Variants in ABTB3 observed in about 807,000 individuals in gnomAD.
ABTB3 encodes the protein ankyrin repeat- and BTB/POZ domain-containing protein 3.
At chr12:107,464,080 G>C in the ABTB3 span, among the ~76,000 whole-genome samples, 7 of 152,302 alleles carry the variant, frequency 4.6e-5, no homozygotes, top group South Asian at 1.5e-3. Context: ...GATGCAACCT[G>C]GCACTTTTCT....
the ABTB3 span, among the ~76,000 whole-genome samples, chr12:107,515,202 C>T: frequency 6.6e-6 from 1 of 152,018 alleles, no homozygotes; most frequent in African/African-American, 2.4e-5. Context: ...GTCCCATTTG[C>T]TCAGGCCTCC....
chr12:107,426,846 T>G, the ABTB3 span, among the ~76,000 whole-genome samples: 1 of 152,046 alleles, frequency 6.6e-6, no homozygotes, highest in African/African-American at 2.4e-5. Flanking sequence ...TCTTAAGTCC[T>G]CTCTATTTCA....
the ABTB3 span, among the ~76,000 whole-genome samples, chr12:107,558,228 C>T: frequency 2.0e-5 from 3 of 152,124 alleles, no homozygotes; most frequent in African/African-American, 4.8e-5. Context: ...CCCATCAGCT[C>T]GTTTGCAGAG....
chr12:107,466,995 G>T, the ABTB3 span, among the ~76,000 whole-genome samples: 2 of 152,138 alleles, frequency 1.3e-5, no homozygotes, highest in Non-Finnish European at 1.5e-5. Flanking sequence ...GGCCCCAAGG[G>T]CATTGGAAAT....
chr12:107,518,885 C>A, the ABTB3 span, among the ~76,000 whole-genome samples: 16,490 of 152,268 alleles, frequency 0.11, 958 homozygotes, highest in African/African-American at 0.14. Context: ...TCATTCATAA[C>A]CTTCTCCCAC....
the ABTB3 span, among the ~76,000 whole-genome samples, chr12:107,578,383 C>CTTTTTTTTTT: frequency 0.019 from 1,069 of 57,234 alleles, 29 homozygotes; most frequent in Middle Eastern, 0.033. Flanking sequence ...CTTTCTTCTT[C>CTTTTTTTTTT]TTTTTTTTTT....
At chr12:107,453,438 C>T in the ABTB3 span, among the ~76,000 whole-genome samples, 8 of 152,234 alleles carry the variant, frequency 5.3e-5, no homozygotes, top group South Asian at 1.7e-3. Context: ...AAAGAGACCC[C>T]AGAGACCTAG....
chr12:107,649,694 A>G, the ABTB3 span: 1 of 178,464 alleles, frequency 5.6e-6, no homozygotes, highest in East Asian at 1.5e-4. Context: ...TATATCCCCT[A>G]AAAACATCCC....
At chr12:107,579,935 A>G in the ABTB3 span, among the ~76,000 whole-genome samples, 6 of 152,234 alleles carry the variant, frequency 3.9e-5, no homozygotes, top group African/African-American at 1.4e-4. Context: ...TATCAGAATT[A>G]TCTTCTTGGA....
the ABTB3 span, among the ~76,000 whole-genome samples, chr12:107,566,577 G>A: frequency 6.6e-6 from 1 of 150,672 alleles, no homozygotes; most frequent in Non-Finnish European, 1.5e-5. Context: ...ACAAAATTTA[G>A]CATTGAGTTT....
the ABTB3 span, chr12:107,610,369 G>A: frequency 6.2e-7 from 1 of 1,612,286 alleles, no homozygotes; most frequent in Non-Finnish European, 8.5e-7. Context: ...CAGGGTCCGA[G>A]GGTCTGAACA....
At chr12:107,378,749 C>G in the ABTB3 span, among the ~76,000 whole-genome samples, 1 of 152,186 alleles carries the variant, frequency 6.6e-6, no homozygotes, top group African/African-American at 2.4e-5. Context: ...ACTGTGCTGG[C>G]TCCCTCTGTC....
the ABTB3 span, among the ~76,000 whole-genome samples, chr12:107,519,428 T>C: frequency 4.0e-5 from 6 of 151,232 alleles, no homozygotes; most frequent in East Asian, 1.2e-3. Flanking sequence ...ATTCAAGCAA[T>C]TCTCCTTCCT....
At chr12:107,534,369 C>T in the ABTB3 span, among the ~76,000 whole-genome samples, 25 of 151,822 alleles carry the variant, frequency 1.6e-4, no homozygotes, top group East Asian at 4.8e-3. Context: ...AATGAACTGC[C>T]TAACAATGCA....
chr12:107,390,041 G>A, the ABTB3 span, among the ~76,000 whole-genome samples: 2 of 152,086 alleles, frequency 1.3e-5, no homozygotes, highest in African/African-American at 4.8e-5. Flanking sequence ...AAAAGCAGAA[G>A]CTGCCATGCC....
At chr12:107,420,512 C>A in the ABTB3 span, among the ~76,000 whole-genome samples, 1 of 152,114 alleles carries the variant, frequency 6.6e-6, no homozygotes, top group African/African-American at 2.4e-5. Flanking sequence ...ATGAGAACAG[C>A]ACGGGTAAAA....
At chr12:107,348,446 C>T in the ABTB3 span, among the ~76,000 whole-genome samples, 2 of 152,110 alleles carry the variant, frequency 1.3e-5, no homozygotes, top group African/African-American at 2.4e-5. Flanking sequence ...CAGAAGAGAC[C>T]TGTTCACGCC....
the ABTB3 span, among the ~76,000 whole-genome samples, chr12:107,631,661 T>C: frequency 8.5e-5 from 13 of 152,208 alleles, no homozygotes; most frequent in Non-Finnish European, 1.6e-4. Flanking sequence ...TTGTTTGGGG[T>C]GACCTTGAAA....
the ABTB3 span, among the ~76,000 whole-genome samples, chr12:107,414,288 A>G: frequency 1.3e-5 from 2 of 152,226 alleles, no homozygotes; most frequent in Admixed American, 6.5e-5. Flanking sequence ...TGTGGATCAT[A>G]TGGACTGGAG....
Sources: gnomAD v4.1 joint callset for allele counts (sites outside exome capture counted in the v4.1 genomes callset) on GRCh38, gnomAD v4.1.1 for gene constraint, MANE v1.5 for transcripts, NCBI Gene and HGNC (gene_info 2026-07-23, HGNC 2026-07-21) for gene names.